DRC8: variants seen among roughly 807,000 people sequenced by gnomAD.
DRC8 encodes the protein dynein regulatory complex protein 8.
the DRC8 span, among the ~76,000 whole-genome samples, chr1:245,121,630 C>T: frequency 1.9e-4 from 29 of 152,194 alleles, no homozygotes; most frequent in Non-Finnish European, 3.4e-4. Context: ...AGTGCTGCAC[C>T]TCTACTACCA....
At chr1:245,075,693 C>T in the DRC8 span, 71,512 of 152,072 alleles carry the variant, frequency 0.47, 17,808 homozygotes, top group East Asian at 0.67. Context: ...GATCTTCTGG[C>T]AAAGACGTTT....
the DRC8 span, among the ~76,000 whole-genome samples, chr1:245,066,555 AG>A: frequency 1.3e-5 from 2 of 152,244 alleles, no homozygotes; most frequent in East Asian, 3.8e-4. Flanking sequence ...CAGTCCAAAA[AG>A]ACAGAAAAGA....
chr1:245,087,649 ATTAAT>A, the DRC8 span: 19 of 1,049,014 alleles, frequency 1.8e-5, no homozygotes, highest in South Asian at 4.7e-4. Flanking sequence ...TCACCTTCGA[ATTAAT>A]TAAGCTGACA....
At chr1:245,117,586 G>T in the DRC8 span, among the ~76,000 whole-genome samples, 1 of 151,062 alleles carries the variant, frequency 6.6e-6, no homozygotes, top group South Asian at 2.1e-4. Context: ...ACCATGCCCA[G>T]CTAATTCTGT....
At chr1:245,082,031 CTGAATACATTTGT>C in the DRC8 span, 1 of 1,448,748 alleles carries the variant, frequency 6.9e-7, no homozygotes, top group Non-Finnish European at 9.7e-7. Flanking sequence ...CAACTAGTTG[CTGAATACATTTGT>C]TGAATGACTA....
chr1:245,062,793 C>T, the DRC8 span, among the ~76,000 whole-genome samples: 6 of 152,252 alleles, frequency 3.9e-5, no homozygotes, highest in East Asian at 3.9e-4. Context: ...TGCTCCTAAG[C>T]GTGCTATGTT....
At chr1:244,993,714 C>T in the DRC8 span, among the ~76,000 whole-genome samples, 1 of 152,094 alleles carries the variant, frequency 6.6e-6, no homozygotes, top group Admixed American at 6.5e-5. Context: ...CTGGTGAGGG[C>T]CTTCTTGCTG....
chr1:245,097,732 C>T, the DRC8 span, among the ~76,000 whole-genome samples: 6 of 151,940 alleles, frequency 3.9e-5, no homozygotes, highest in African/African-American at 1.5e-4. This position sits in a 1 kb window ranked among gnomAD's most constrained non-coding sequence, Gnocchi z 5.0. Context: ...TCTAGAATGA[C>T]ATGGAAGTCC....
the DRC8 span, among the ~76,000 whole-genome samples, chr1:245,027,915 T>C: frequency 2.2e-4 from 34 of 151,768 alleles, no homozygotes; most frequent in Non-Finnish European, 4.3e-4. Context: ...TTTTTGAGAC[T>C]GGGTCTCCGT....
At chr1:245,105,633 A>AG in the DRC8 span, among the ~76,000 whole-genome samples, 1 of 144,144 alleles carries the variant, frequency 6.9e-6, no homozygotes. Flanking sequence ...AAAAAAAAAA[A>AG]AAAAACAAAA....
the DRC8 span, among the ~76,000 whole-genome samples, chr1:244,980,986 C>G: frequency 6.6e-6 from 1 of 152,126 alleles, no homozygotes; most frequent in African/African-American, 2.4e-5. Flanking sequence ...AGTTCGAGAC[C>G]AGCCTGACCA....
At chr1:245,031,205 C>G in the DRC8 span, among the ~76,000 whole-genome samples, 1 of 152,006 alleles carries the variant, frequency 6.6e-6, no homozygotes, top group African/African-American at 2.4e-5. Flanking sequence ...ATCCCCCTCC[C>G]TGGTAGTGCT....
chr1:244,980,218 C>CAAAAAAA, the DRC8 span, among the ~76,000 whole-genome samples: 1 of 64,980 alleles, frequency 1.5e-5, no homozygotes, highest in African/African-American at 6.4e-5. Flanking sequence ...GACTCCGTCT[C>CAAAAAAA]AAAAAAAAAA....
At chr1:244,970,245 A>T in the DRC8 span, 1 of 699,738 alleles carries the variant, frequency 1.4e-6, no homozygotes, top group East Asian at 3.1e-5. Flanking sequence ...AAACGGGGAC[A>T]GGGCGCGCGC....
the DRC8 span, chr1:245,023,247 T>A: frequency 6.6e-6 from 1 of 152,282 alleles, no homozygotes. Context: ...ATTGTATTTA[T>A]ATCCCACATT....
At chr1:245,013,012 TG>T in the DRC8 span, among the ~76,000 whole-genome samples, 1 of 152,114 alleles carries the variant, frequency 6.6e-6, no homozygotes, top group African/African-American at 2.4e-5. Flanking sequence ...ACATAAAAGA[TG>T]ATAATACACG....
chr1:245,065,258 G>A, the DRC8 span, among the ~76,000 whole-genome samples: 31 of 130,530 alleles, frequency 2.4e-4, no homozygotes, highest in East Asian at 2.0e-3. Context: ...TCACCATGTT[G>A]GCCAGGCTGG....
chr1:244,989,174 C>G, the DRC8 span, among the ~76,000 whole-genome samples: 13 of 152,230 alleles, frequency 8.5e-5, no homozygotes, highest in East Asian at 2.3e-3. Flanking sequence ...AGCGATTCTC[C>G]CACCTTGGCC....
the DRC8 span, among the ~76,000 whole-genome samples, chr1:245,118,772 A>G: frequency 7.3e-6 from 1 of 137,270 alleles, no homozygotes; most frequent in Non-Finnish European, 1.6e-5. Flanking sequence ...AGCCTGGGCA[A>G]CAAGAGCAAA....
Sources: allele counts gnomAD v4.1 joint callset (sites outside exome capture counted in the v4.1 genomes callset), GRCh38; gene constraint gnomAD v4.1.1; non-coding constraint Gnocchi (gnomAD v3.1); transcripts MANE v1.5; gene names NCBI Gene and HGNC (gene_info 2026-07-23, HGNC 2026-07-21).